Variants in MGMT observed in about 807,000 individuals in gnomAD.
MGMT encodes O-6-methylguanine-DNA methyltransferase.
Under a neutral mutation model 15.9 loss-of-function variants are expected in MGMT, and 14 were observed. The observed-to-expected ratio is 0.88, with a 90% CI of 0.58 to 1.37. MGMT has a LOEUF of 1.37. MGMT is among the 40% of genes most tolerant of loss of function. The pLI is 0.00. For missense variants in MGMT, 282 were observed against 268.1 expected (o/e 1.05, Z -0.36); for synonymous variants, 130 against 118.2 (o/e 1.10, Z -0.65).
chr10:129,645,559 T>G lies in MGMT; in HGVS notation c.126-62336T>G, dbSNP rs565324549. On this transcript the variant is annotated intron_variant, in intron 2 of 4. Transcript: ENST00000651593. ...CAGGCCTGTGCTTCATGGAGATGTC[T>G]GACCGTTGGGACTGTACCTTTCATC... Among the ~76,000 whole-genome samples the G allele has an allele frequency of 1.7e-3, 262 of 152,266 alleles. 1 individual carries two copies. Among genetic ancestry groups the G allele is most frequent in the Middle Eastern group, 6.8e-3 (2 of 294 alleles).
intron 2 of MGMT, among the ~76,000 whole-genome samples, chr10:129,628,674 T>G (rs1346308025): frequency 6.6e-6 from 1 of 152,340 alleles, no homozygotes; most frequent in South Asian, 2.1e-4. Flanking sequence ...GCACTGCGTG[T>G]TGGGCTCAAA....
chr10:129,650,741 T>C (rs1847447807), intron 2 of MGMT, among the ~76,000 whole-genome samples: 1 of 152,158 alleles, frequency 6.6e-6, no homozygotes, highest in African/African-American at 2.4e-5. Context: ...AATTTACCCT[T>C]CTCGGTCACA....
intron 1 of MGMT, among the ~76,000 whole-genome samples, chr10:129,522,264 G>T (rs911352369): frequency 6.6e-6 from 1 of 152,210 alleles, no homozygotes; most frequent in African/African-American, 2.4e-5. Flanking sequence ...GGGCATGGGG[G>T]CCCTGCAGGG....
At chr10:129,479,416 A>C (rs1366041039) in intron 1 of MGMT, among the ~76,000 whole-genome samples, 6 of 152,204 alleles carry the variant, frequency 3.9e-5, no homozygotes, top group Non-Finnish European at 7.3e-5. Flanking sequence ...TTGACCAAAA[A>C]TCTAATGTAT....
chr10:129,644,254 T>C (rs1847360299), intron 2 of MGMT, among the ~76,000 whole-genome samples: 1 of 152,162 alleles, frequency 6.6e-6, no homozygotes, highest in Non-Finnish European at 1.5e-5. Flanking sequence ...AAATCCTAGA[T>C]GCTTGGTGAG....
chr10:129,728,670 C>T (rs1848461082), intron 3 of MGMT, among the ~76,000 whole-genome samples: 1 of 152,054 alleles, frequency 6.6e-6, no homozygotes. Context: ...CACTGCCCGC[C>T]TGCAGGTCTC....
At chr10:129,601,620 A>G (rs1282250268) in intron 2 of MGMT, among the ~76,000 whole-genome samples, 1 of 152,196 alleles carries the variant, frequency 6.6e-6, no homozygotes, top group Non-Finnish European at 1.5e-5. Flanking sequence ...CCTCCCCAGC[A>G]GTGGCAGAAA....
chr10:129,533,381 G>A lies in MGMT; in HGVS notation c.-12-2860G>A, dbSNP rs1845952943. On this transcript the variant is annotated intron_variant, in intron 1 of 4. Transcript: ENST00000651593. The surrounding 1 kb of genome is among the most constrained non-coding windows in gnomAD (Gnocchi z 4.5). ...TCGGGGCTGGCCAGGATCCCCACCT[G>A]AGTCTGGAGCCCTGAGCCCAGGCCT... Among the ~76,000 whole-genome samples, 1 of 152,166 alleles carries A rather than the reference G, an allele frequency of 6.6e-6. No homozygotes were observed.
chr10:129,516,186 C>G (rs898567883), intron 1 of MGMT, among the ~76,000 whole-genome samples: 1 of 152,216 alleles, frequency 6.6e-6, no homozygotes, highest in African/African-American at 2.4e-5. Context: ...AAGTTCCAGC[C>G]AATAGCCCAG....
chr10:129,514,247 A>G (rs1485968562), intron 1 of MGMT, among the ~76,000 whole-genome samples: 2 of 152,250 alleles, frequency 1.3e-5, no homozygotes, highest in East Asian at 3.8e-4. Context: ...AGATACAATT[A>G]TATCAATCAA....
At chr10:129,723,285 C>G (rs983703297) in intron 3 of MGMT, among the ~76,000 whole-genome samples, 8 of 152,156 alleles carry the variant, frequency 5.3e-5, no homozygotes, top group African/African-American at 1.9e-4. Flanking sequence ...CCAACCATTC[C>G]CCCTGAGTCC....
intron 2 of MGMT, among the ~76,000 whole-genome samples, chr10:129,608,664 C>A (rs373659496): frequency 3.2e-4 from 49 of 152,364 alleles, no homozygotes; most frequent in African/African-American, 6.2e-4. Context: ...TATTCCTTCA[C>A]CTTCTTGCCC....
At chr10:129,544,163 C>A (rs73386903) in intron 2 of MGMT, among the ~76,000 whole-genome samples, 6 of 152,314 alleles carry the variant, frequency 3.9e-5, no homozygotes, top group African/African-American at 1.4e-4. Context: ...CTTTATGTGG[C>A]CACAGAGATC....
chr10:129,684,226 GTTGTA>G (rs1847882453), intron 2 of MGMT, among the ~76,000 whole-genome samples: 2 of 152,258 alleles, frequency 1.3e-5, no homozygotes, highest in East Asian at 3.8e-4. Flanking sequence ...ATTTTTTAGT[GTTGTA>G]TTTGTGGGTT....
chr10:129,702,761 C>T (rs1050120170), intron 2 of MGMT, among the ~76,000 whole-genome samples: 1 of 152,226 alleles, frequency 6.6e-6, no homozygotes, highest in Non-Finnish European at 1.5e-5. Flanking sequence ...GGGCGGACCA[C>T]AGGGCCGGCA....
chr10:129,490,504 T>TTGTTA (rs113149571), intron 1 of MGMT, among the ~76,000 whole-genome samples: 151,703 of 152,254 alleles, frequency 1, 75,579 homozygotes, highest in Middle Eastern at 1. Flanking sequence ...TTTATTGTTA[T>TTGTTA]TAAGATTATT....
intron 2 of MGMT, chr10:129,537,270 G>T (rs1210766144): frequency 6.6e-6 from 1 of 152,036 alleles, no homozygotes; most frequent in Non-Finnish European, 1.5e-5. Flanking sequence ...ATTTTAATGG[G>T]CCCCTGTCCG....
intron 1 of MGMT, among the ~76,000 whole-genome samples, chr10:129,502,058 G>A (rs1244624618): frequency 1.3e-5 from 2 of 152,230 alleles, no homozygotes; most frequent in African/African-American, 2.4e-5. Context: ...AATCAAGGCC[G>A]CTGCTGGGGC....
intron 2 of MGMT, among the ~76,000 whole-genome samples, chr10:129,561,262 G>A (rs1025268569): frequency 3.3e-5 from 5 of 152,108 alleles, no homozygotes; most frequent in African/African-American, 1.2e-4. Flanking sequence ...GTCACGATGG[G>A]GAAGGCCCTT....
Sources: gnomAD v4.1 joint callset for allele counts (sites outside exome capture counted in the v4.1 genomes callset) on GRCh38, gnomAD v4.1.1 for gene constraint, Gnocchi (gnomAD v3.1) non-coding constraint, MANE v1.5 for transcripts, NCBI Gene and HGNC (gene_info 2026-07-23, HGNC 2026-07-21) for gene names.